The following TYW1 variants were observed in gnomAD, a reference collection of about 807,000 sequenced individuals.
The protein encoded by TYW1 is tRNA-yW synthesizing protein 1 homolog, also known as S-adenosyl-L-methionine-dependent tRNA 4-demethylwyosine synthase TYW1.
A neutral mutation model predicts 96.2 loss-of-function variants in TYW1; 46 were observed. The ratio of observed to expected loss-of-function variants is 0.48; its 90% confidence interval spans 0.38 to 0.61. The LOEUF (loss-of-function observed/expected upper bound fraction) is 0.61, where lower values mean the gene tolerates loss of function less well. TYW1 is among the 20% of genes least tolerant of loss of function. The probability of loss-of-function intolerance (pLI) is 0.00; values close to 1 mark genes in which losing one functional copy is unlikely to be tolerated. For missense variants in TYW1, 684 were observed against 909.6 expected (o/e 0.75, Z 3.19); for synonymous variants, 274 against 323.0 (o/e 0.85, Z 1.63).
In TYW1 at chr7:67,048,621, TA is replaced by T. The variant is rs1795260720; in HGVS notation, c.985-1327del. Among the ~76,000 whole-genome samples the T allele has an allele frequency of 2.0e-5, 3 of 152,288 alleles. No individual in the cohort carries two copies. In the South Asian group the frequency reaches 6.2e-4, roughly 32 times the overall value. ...GGTCATCTTGTCATATCAAGCCAGT[TA>T]CAATGAATAGAAGACCAACATGCTG... On this transcript the variant is annotated intron_variant, in intron 7 of 15. Transcript: ENST00000359626.
In TYW1 at chr7:67,035,519, C is replaced by T. The variant is rs577477283; in HGVS notation, c.984+10497C>T. ...TTTGACACCAGCTACAGATTTGTTG[C>T]GGTCCTTAGACCATCCTCAGGTTGA... On this transcript the variant is annotated intron_variant, in intron 7 of 15. Transcript: ENST00000359626. Among the ~76,000 whole-genome samples the T allele has an allele frequency of 1.4e-4, 22 of 152,244 alleles. No homozygotes were observed. The South Asian group carries it at 2.7e-3, about 19-fold the overall frequency.
In TYW1 at chr7:67,049,994, A is replaced by G; in HGVS notation, c.1030A>G (p.Met344Val). ...QEEKSGLFRNMGRNEDGERRA... is the reference protein window; with the variant it reads ...QEEKSGLFRNVGRNEDGERRA... ...AGAGAAGTCTGGTTTGTTCAGGAACATGGGGAGGAATGAAGATGGTGAAAG... is the reference window on the plus strand; with the variant it reads ...AGAGAAGTCTGGTTTGTTCAGGAACGTGGGGAGGAATGAAGATGGTGAAAG... Residue 344 changes from methionine (M) to valine (V), a missense_variant, in exon 8 of 16, where the codon ATG becomes GTG. Coordinates refer to ENST00000359626, the MANE Select transcript of TYW1 (RefSeq NM_018264.4). 3 of 1,614,138 alleles carry G rather than the reference A, an allele frequency of 1.9e-6. No individual in the cohort carries two copies. Among genetic ancestry groups the G allele is most frequent in the Non-Finnish European group, 2.5e-6 (3 of 1,180,014 alleles).
At chr7:67,222,858 CTTTT>C (rs1443806864) in intron 15 of TYW1, among the ~76,000 whole-genome samples, 1 of 101,546 alleles carries the variant, frequency 9.8e-6, no homozygotes, top group African/African-American at 4.1e-5. Flanking sequence ...TCTCTGTTCG[CTTTT>C]TTTCTTTTTT....
intron 9 of TYW1, among the ~76,000 whole-genome samples, chr7:67,057,019 CT>C (rs770339972): frequency 9.9e-4 from 137 of 138,688 alleles, no homozygotes; most frequent in East Asian, 1.2e-3. Flanking sequence ...TTTTTCTTTT[CT>C]TTTTTTTTTT....
chr7:67,160,773 G>A (rs1259791113), intron 13 of TYW1, among the ~76,000 whole-genome samples: 2 of 151,182 alleles, frequency 1.3e-5, no homozygotes, highest in Admixed American at 6.6e-5. Context: ...TGTACTTTTA[G>A]TAGAGATAGG....
At chr7:67,193,671 A>G (rs964290965) in intron 14 of TYW1, among the ~76,000 whole-genome samples, 3 of 151,884 alleles carry the variant, frequency 2.0e-5, no homozygotes, top group Non-Finnish European at 2.9e-5. Flanking sequence ...AGGCAGGAGA[A>G]TCACTTCAAC....
At chr7:67,142,228 T>G (rs1798472441) in intron 13 of TYW1, among the ~76,000 whole-genome samples, 2 of 138,800 alleles carry the variant, frequency 1.4e-5, no homozygotes, top group Admixed American at 7.0e-5. Flanking sequence ...CCGGAGCAGC[T>G]GAGACTACAG....
intron 11 of TYW1, among the ~76,000 whole-genome samples, chr7:67,085,520 A>G (rs773290922): frequency 6.6e-6 from 1 of 152,152 alleles, no homozygotes; most frequent in Non-Finnish European, 1.5e-5. Context: ...TGAACTGCGA[A>G]TCAATTAAAC....
At chr7:67,038,677 G>T (rs1794915863) in intron 7 of TYW1, among the ~76,000 whole-genome samples, 1 of 152,108 alleles carries the variant, frequency 6.6e-6, no homozygotes, top group African/African-American at 2.4e-5. Context: ...GCTGAGGCAG[G>T]CAGATCACCT....
intron 9 of TYW1, among the ~76,000 whole-genome samples, chr7:67,059,886 C>T (rs1795642422): frequency 1.3e-5 from 2 of 151,750 alleles, no homozygotes; most frequent in Admixed American, 6.6e-5. Flanking sequence ...AATTCTCCTG[C>T]CTCAGCCTCC....
intron 15 of TYW1, among the ~76,000 whole-genome samples, chr7:67,210,273 G>T (rs1191700034): frequency 6.6e-6 from 1 of 152,110 alleles, no homozygotes; most frequent in East Asian, 1.9e-4. Flanking sequence ...TGAGACTTGG[G>T]TTATGAATTT....
chr7:67,069,712 C>T (rs557369122), intron 10 of TYW1, among the ~76,000 whole-genome samples: 1 of 152,214 alleles, frequency 6.6e-6, no homozygotes, highest in African/African-American at 2.4e-5. Context: ...GCACTCCAGC[C>T]TGGGTGGCAG....
intron 11 of TYW1, among the ~76,000 whole-genome samples, chr7:67,091,297 A>C (rs1796709663): frequency 6.6e-6 from 1 of 151,788 alleles, no homozygotes; most frequent in South Asian, 2.1e-4. Flanking sequence ...CATCATTCTG[A>C]GTAAACTATC....
chr7:67,035,862 A>G (rs1794822824), intron 7 of TYW1, among the ~76,000 whole-genome samples: 1 of 151,562 alleles, frequency 6.6e-6, no homozygotes. Context: ...TGTTTTTAGT[A>G]GAGACGAGGT....
chr7:67,228,126 A>T (rs1479677096), intron 15 of TYW1, among the ~76,000 whole-genome samples: 1 of 152,204 alleles, frequency 6.6e-6, no homozygotes, highest in African/African-American at 2.4e-5. Flanking sequence ...TATAAAAAGC[A>T]TCTAGAATTG....
chr7:67,072,931 C>T (rs1289461581), intron 10 of TYW1, among the ~76,000 whole-genome samples: 1 of 127,018 alleles, frequency 7.9e-6, no homozygotes, highest in East Asian at 2.2e-4. Flanking sequence ...CAATGCCTAT[C>T]CAGTTTTTTT....
At chr7:67,012,567 T>C (rs1312733969) in intron 4 of TYW1, among the ~76,000 whole-genome samples, 2 of 152,154 alleles carry the variant, frequency 1.3e-5, no homozygotes, top group Admixed American at 6.6e-5. Context: ...CCTCATGACT[T>C]GGAACTCTTA....
At chr7:67,145,033 C>T (rs1340049543) in intron 13 of TYW1, among the ~76,000 whole-genome samples, 1 of 102,554 alleles carries the variant, frequency 9.8e-6, no homozygotes, top group African/African-American at 4.5e-5. Context: ...CTTTCCCATC[C>T]TGAGCAGTTG....
intron 6 of TYW1, among the ~76,000 whole-genome samples, chr7:67,020,985 G>A (rs1486470491): frequency 2.0e-5 from 3 of 152,386 alleles, no homozygotes; most frequent in African/African-American, 4.8e-5. Context: ...CCGAGATTGC[G>A]TCACTGCACT....
Sources: gnomAD v4.1 joint callset for allele counts (sites outside exome capture counted in the v4.1 genomes callset) on GRCh38, gnomAD v4.1.1 for gene constraint, MANE v1.5 for transcripts, NCBI Gene and HGNC (gene_info 2026-07-23, HGNC 2026-07-21) for gene names.